The following SPRYD7 variants were observed in gnomAD, a reference collection of about 807,000 sequenced individuals.
SPRYD7 encodes the protein SPRY domain containing 7, also known as SPRY domain-containing protein 7.
In SPRYD7, 14 loss-of-function variants were observed where a neutral mutation model predicts 23.8. The ratio of observed to expected loss-of-function variants is 0.59; its 90% CI spans 0.39 to 0.92. SPRYD7 has a LOEUF of 0.92. SPRYD7 is among the 40% of genes least tolerant of loss of function. The probability of loss-of-function intolerance (pLI) is 0.00; values close to 1 mark genes in which losing one functional copy is unlikely to be tolerated. For missense variants in SPRYD7, 194 were observed against 241.7 expected, an observed-to-expected ratio of 0.80 and a Z score of 1.31; for synonymous variants, 75 against 84.9, an observed-to-expected ratio of 0.88 and a Z score of 0.64.
chr13:49,936,338 T>C lies in SPRYD7; in HGVS notation c.-103A>G, dbSNP rs1312510807. ...CCCCCGCCCGAGGTCCGGACTTGTCTATGTGGAGCTCGGAGGCCGGTACAG... is the reference window on the plus strand; with the variant it reads ...CCCCCGCCCGAGGTCCGGACTTGTCCATGTGGAGCTCGGAGGCCGGTACAG... On this transcript the variant is annotated 5_prime_UTR_variant, in exon 1 of 5. It adds an upstream start codon to the 5' untranslated region. Transcript: ENST00000361840. 1.2e-5 allele frequency: 9 copies of C among 743,126 alleles called. No homozygotes were observed. Among genetic ancestry groups the C allele is most frequent in the Non-Finnish European group, 1.3e-5 (6 of 478,670 alleles). 46.0% of individuals were successfully genotyped at this position (743,126 alleles called of 1,614,324 possible).
chr13:49,919,091 GA>G (rs1379480547), intron 4 of SPRYD7, among the ~76,000 whole-genome samples: 1 of 151,928 alleles, frequency 6.6e-6, no homozygotes, highest in Non-Finnish European at 1.5e-5. Context: ...ACCAAAGGCA[GA>G]AAAATCATAT....
In SPRYD7 at chr13:49,927,926, TCTC is replaced by T; in HGVS notation, c.380_382del (p.Gly127del). ...CTCCATGAGGGAACTCACCACCACA[TCTC>T]CTTCCTGCGGAAGACTGTTTGCTGG... is the stretch of plus-strand genomic sequence containing the variant. On this transcript the variant is annotated inframe_deletion, in exon 3 of 5. Transcript: ENST00000361840. The T allele has an allele frequency of 4.3e-6, 7 of 1,614,128 alleles. No individual in the cohort carries two copies. The highest frequency in any genetic ancestry group is 5.9e-6 in the Non-Finnish European group (7 of 1,179,998).
rs749144268 is a variant in SPRYD7, at chr13:49,927,962, T to C, written c.347A>G (p.Asn116Ser). Residue 116 changes from asparagine to serine, a missense_variant, in exon 3 of 5, where the codon AAT becomes AGT. Coordinates refer to ENST00000361840, the MANE Select transcript of SPRYD7 (RefSeq NM_020456.4). ...CGGAAGACTGTTTGCTGGCAGCCTATTTTTCTCTTCATTGTTGTGGTAAAG... is the reference window on the plus strand; with the variant it reads ...CGGAAGACTGTTTGCTGGCAGCCTACTTTTCTCTTCATTGTTGTGGTAAAG... ...GALYHNNEEK[N>S]RLPANSLPQE... 3 of 1,614,052 alleles carry C rather than the reference T, an allele frequency of 1.9e-6. No homozygotes were observed. Among genetic ancestry groups the C allele is most frequent in the Non-Finnish European group, 2.5e-6 (3 of 1,180,014 alleles).
chr13:49,919,690 GCACT>G (rs1404560507), intron 4 of SPRYD7, among the ~76,000 whole-genome samples: 1 of 140,836 alleles, frequency 7.1e-6, no homozygotes, highest in Non-Finnish European at 1.5e-5. Flanking sequence ...TCACAACACT[GCACT>G]CCAGTCTGGG....
intron 4 of SPRYD7, among the ~76,000 whole-genome samples, chr13:49,919,493 A>G (rs1277191960): frequency 6.6e-6 from 1 of 152,072 alleles, no homozygotes; most frequent in Admixed American, 6.6e-5. Context: ...TCAGTGAGCC[A>G]AGATCGTGCC....
At chr13:49,917,345 C>T (rs566070573) in intron 4 of SPRYD7, among the ~76,000 whole-genome samples, 24 of 152,274 alleles carry the variant, frequency 1.6e-4, no homozygotes, top group Admixed American at 9.2e-4. Context: ...CCTCGTGATC[C>T]GCCTGCCTCA....
chr13:49,933,793 CCA>C (rs1215819066), intron 1 of SPRYD7, among the ~76,000 whole-genome samples: 1 of 151,906 alleles, frequency 6.6e-6, no homozygotes, highest in Non-Finnish European at 1.5e-5. Context: ...ATAAACATAG[CCA>C]CAGAGGATGT....
In SPRYD7 at chr13:49,913,311, T is replaced by G. The variant is rs527256601; in HGVS notation, c.*1752A>C. ...GGCGGGCACCTGTAGTCCCACCTAC[T>G]CGGGAGGCTGAGGCAAGAGAATCGC... On this transcript the variant is annotated 3_prime_UTR_variant, in exon 5 of 5. Coordinates refer to ENST00000361840, the MANE Select transcript of SPRYD7 (RefSeq NM_020456.4). The G allele has an allele frequency of 3.3e-5, 5 of 151,098 alleles. No individual in the cohort carries two copies. Among genetic ancestry groups the G allele is most frequent in the African/African-American group, 1.2e-4 (5 of 41,158 alleles). The allele number at this position is 151,098 out of a possible 1,614,324, so 9.4% of individuals were successfully genotyped here. A position where few individuals can be genotyped will look rare whatever the true frequency, so the allele number is the denominator to read the frequency against.
intron 4 of SPRYD7, among the ~76,000 whole-genome samples, chr13:49,917,190 G>A (rs1369666954): frequency 4.6e-5 from 7 of 151,920 alleles, no homozygotes; most frequent in African/African-American, 1.2e-4. Flanking sequence ...TGCAAGCTCC[G>A]CCTCCCCGGT....
chr13:49,918,703 T>A (rs111515437), intron 4 of SPRYD7, among the ~76,000 whole-genome samples: 2,000 of 151,650 alleles, frequency 0.013, 30 homozygotes, highest in African/African-American at 0.04. Context: ...CTTTCTTTTT[T>A]AATTTTATTT....
chr13:49,913,184 G>GGCTTACGCCTATAATTCCA lies in SPRYD7; in HGVS notation c.*1878_*1879insTGGAATTATAGGCGTAAGC, dbSNP rs1326313680. On this transcript the variant is annotated 3_prime_UTR_variant, in exon 5 of 5. Coordinates refer to ENST00000361840, the MANE Select transcript of SPRYD7 (RefSeq NM_020456.4). ...CGCCTATAATTCCAGCACTTTGGGA[G>GGCTTACGCCTATAATTCCA]GCTGAGGGAGGTGGATCATGAGGTC... is the stretch of plus-strand genomic sequence containing the variant. The GGCTTACGCCTATAATTCCA allele has an allele frequency of 6.6e-6, 1 of 152,202 alleles. No individual in the cohort carries two copies. The highest frequency in any genetic ancestry group is 1.5e-5 in the Non-Finnish European group (1 of 68,092). 9.4% of individuals were successfully genotyped at this position (152,202 alleles called of 1,614,324 possible).
chr13:49,921,311 T>G lies in SPRYD7; in HGVS notation c.493+167A>C, dbSNP rs1955816937. 1.7e-5 allele frequency: 8 copies of G among 457,278 alleles called. No individual in the cohort carries two copies. The South Asian group carries it at 2.7e-4, about 15-fold the overall frequency. The allele number at this position is 457,278 out of a possible 1,614,324, so 28.3% of individuals were successfully genotyped here. A position where few individuals can be genotyped will look rare whatever the true frequency, so the allele number is the denominator to read the frequency against. On this transcript the variant is annotated intron_variant, in intron 4 of 4. Coordinates refer to ENST00000361840, the MANE Select transcript of SPRYD7 (RefSeq NM_020456.4). ...TTCCCCTTCCGCCATGATTGTAAGT[T>G]TCCTGAGGCCTCCCCAGCTCTGTGG...
At chr13:49,932,271 T>C (rs1871418769) in intron 1 of SPRYD7, among the ~76,000 whole-genome samples, 1 of 152,218 alleles carries the variant, frequency 6.6e-6, no homozygotes, top group Admixed American at 6.5e-5. Context: ...TTGAAATACC[T>C]GACAGTGACA....
At chr13:49,924,928 A>G (rs746904202) in intron 3 of SPRYD7, among the ~76,000 whole-genome samples, 18 of 150,856 alleles carry the variant, frequency 1.2e-4, no homozygotes, top group Admixed American at 7.3e-4. Flanking sequence ...GTAAGCCGAG[A>G]CTGCATCATT....
At chr13:49,923,779 C>A (rs769205195) in intron 3 of SPRYD7, among the ~76,000 whole-genome samples, 1 of 152,088 alleles carries the variant, frequency 6.6e-6, no homozygotes, top group African/African-American at 2.4e-5. Flanking sequence ...CAGGCATGTG[C>A]CACTGTGATG....
chr13:49,918,862 G>A (rs991606467), intron 4 of SPRYD7, among the ~76,000 whole-genome samples: 1 of 151,518 alleles, frequency 6.6e-6, no homozygotes. Flanking sequence ...TTACAGGAGT[G>A]CGCTACCACG....
chr13:49,931,274 G>A (rs1311579958), intron 1 of SPRYD7, 140 bp from the exon 2 acceptor site: 5 of 454,612 alleles, frequency 1.1e-5, no homozygotes, highest in South Asian at 9.4e-5. Flanking sequence ...CTGCCTCCTG[G>A]GTTCAAGTGA....
At position 49,921,519 on chromosome 13, in the gene SPRYD7, G is replaced by A; in HGVS notation, c.452C>T (p.Pro151Leu). 1.2e-6 allele frequency: 2 copies of A among 1,613,318 alleles called. No homozygotes were observed. Among genetic ancestry groups the A allele is most frequent in the Non-Finnish European group, 1.7e-6 (2 of 1,179,426 alleles). ...VYLNGKNMHC[P>L]ASGIRGTVYP... ...CACTGTCCCTCGTATACCTGATGCT[G>A]GACAATGCATGTTTTTTCCATTCAA... The change falls in exon 4 of 5, where the codon CCA becomes CTA. Residue 151 changes from proline (P) to leucine (L), a missense_variant. Coordinates refer to ENST00000361840, the MANE Select transcript of SPRYD7 (RefSeq NM_020456.4).
At chr13:49,929,962 GTATCTT>G (rs1955928981) in intron 2 of SPRYD7, among the ~76,000 whole-genome samples, 1 of 151,746 alleles carries the variant, frequency 6.6e-6, no homozygotes, top group Non-Finnish European at 1.5e-5. Context: ...GATGATTTTT[GTATCTT>G]TAGTAGAGAT....
Sources: allele counts gnomAD v4.1 joint callset (sites outside exome capture counted in the v4.1 genomes callset), GRCh38; gene constraint gnomAD v4.1.1; transcripts MANE v1.5; gene names NCBI Gene and HGNC (gene_info 2026-07-23, HGNC 2026-07-21).